Variants in RBM33 observed in about 807,000 individuals in gnomAD.
RBM33 encodes RNA-binding protein 33.
Under a neutral mutation model 132.6 loss-of-function variants are expected in RBM33, and 28 were observed. That is an observed-to-expected ratio of 0.21 (90% CI 0.16 to 0.29). The LOEUF is 0.29. Ranked by LOEUF, RBM33 falls within the 10% of genes least tolerant of loss-of-function variation. The pLI is 1.00. For missense variants in RBM33, 1,291 were observed against 1,518.5 expected (o/e 0.85, Z 2.49); for synonymous variants, 634 against 593.0 (o/e 1.07, Z -1.01).
intron 13 of RBM33, 123 bp downstream of exon 13, chr7:155,742,229 C>CTT (rs35396377): frequency 0.13 from 85,702 of 683,460 alleles, 3,756 homozygotes; most frequent in African/African-American, 0.24. Context: ...TCACCTGGGT[C>CTT]TTTTTTTTTT....
At chr7:155,695,801 A>C (rs1253498856) in intron 5 of RBM33, among the ~76,000 whole-genome samples, 2 of 152,066 alleles carry the variant, frequency 1.3e-5, no homozygotes, top group East Asian at 3.9e-4. Flanking sequence ...AGAAAATTTT[A>C]ATTTTGTTGA....
chr7:155,724,881 C>T lies in RBM33; in HGVS notation c.1260+6438C>T. Among the ~76,000 whole-genome samples the T allele has an allele frequency of 1.3e-5, 2 of 152,066 alleles. 1 individual carries two copies. The highest frequency in any genetic ancestry group is 2.9e-5 in the Non-Finnish European group (2 of 68,036). ...TCTTTTCTATTGCTCAGTAGTATTC[C>T]AGTATATGGATATAGCAGTTTGTGT... is the stretch of plus-strand genomic sequence containing the variant. On this transcript the variant is annotated intron_variant, in intron 9 of 17. Coordinates refer to ENST00000401878, the MANE Select transcript of RBM33 (RefSeq NM_053043.3).
intron 16 of RBM33, among the ~76,000 whole-genome samples, chr7:155,768,316 T>C (rs4716908): frequency 0.3 from 45,003 of 152,166 alleles, 8,206 homozygotes; most frequent in African/African-American, 0.51. Context: ...AACCAGCTAA[T>C]TTCTGTCTTG....
At chr7:155,743,173 A>G (rs187175068) in intron 13 of RBM33, among the ~76,000 whole-genome samples, 3 of 152,374 alleles carry the variant, frequency 2.0e-5, no homozygotes, top group Admixed American at 1.3e-4. Context: ...TTAGAACACG[A>G]GTGACTTTTG....
chr7:155,690,190 C>G (rs1407424581), intron 5 of RBM33, among the ~76,000 whole-genome samples: 2 of 152,168 alleles, frequency 1.3e-5, no homozygotes, highest in Non-Finnish European at 2.9e-5. Flanking sequence ...ATAGTTAGCT[C>G]TTCTTGTTGA....
intron 5 of RBM33, among the ~76,000 whole-genome samples, chr7:155,700,545 CCTTTTTTT>C (rs1799927536): frequency 2.4e-5 from 2 of 82,804 alleles, no homozygotes; most frequent in East Asian, 3.9e-4. Flanking sequence ...AAGAATTTGA[CCTTTTTTT>C]TTTTTTTTTT....
chr7:155,700,808 CAAA>C lies in RBM33; in HGVS notation c.604_606del (p.Lys202del). On this transcript the variant is annotated inframe_deletion, in exon 6 of 18. Transcript: ENST00000401878. The stretch of plus-strand genomic sequence containing the variant: ...AAACATTGGAACTTCAAAAGGACAT[CAAA>C]GAAGAATCAGATGAAGAAGAAGAAG... The C allele has an allele frequency of 1.3e-6, 2 of 1,582,988 alleles. No individual in the cohort carries two copies. The highest frequency in any genetic ancestry group is 1.7e-6 in the Non-Finnish European group (2 of 1,163,734).
intron 13 of RBM33, among the ~76,000 whole-genome samples, 180 bp from the exon 14 acceptor site, chr7:155,744,780 GT>G (rs67693680): frequency 0.025 from 3,775 of 152,054 alleles, 145 homozygotes; most frequent in African/African-American, 0.085. Context: ...TAGCTGTGTG[GT>G]TTTTTTCCCC....
intron 5 of RBM33, among the ~76,000 whole-genome samples, chr7:155,698,988 A>G (rs1056135598): frequency 2.0e-5 from 3 of 152,230 alleles, no homozygotes; most frequent in African/African-American, 7.2e-5. Context: ...AACATAAGGT[A>G]TCATTTCTCT....
At chr7:155,645,031 CTCTT>C (rs956766737) in intron 1 of RBM33, 112 bp downstream of exon 1, 4 of 764,486 alleles carry the variant, frequency 5.2e-6, no homozygotes, top group Non-Finnish European at 7.8e-6. Context: ...GGCTCCGACT[CTCTT>C]TGTGTTCGGC....
rs1801356713 is a variant in RBM33, at chr7:155,741,996, C to T, written c.2227C>T (p.Pro743Ser). The change falls in exon 13 of 18, where the codon CCC becomes TCC. Residue 743 changes from proline (P) to serine (S), a missense_variant. By Grantham distance (74) the Pro-to-Ser change is moderately conservative (BLOSUM62 -1). Coordinates refer to ENST00000401878, the MANE Select transcript of RBM33 (RefSeq NM_053043.3). ...QVKPIVSASP[P>S]SRAVAGSRSS... Reference sequence around the variant, plus strand: ...GAAACCTATCGTCAGCGCGTCACCACCCTCGCGGGCCGTGGCGGGTTCCAG... The same window carrying T: ...GAAACCTATCGTCAGCGCGTCACCATCCTCGCGGGCCGTGGCGGGTTCCAG... 3.7e-6 allele frequency: 6 copies of T among 1,613,922 alleles called. No homozygotes were observed. In the South Asian group the frequency reaches 6.6e-5, roughly 18 times the overall value.
At chr7:155,681,124 A>G (rs143736639) in intron 5 of RBM33, among the ~76,000 whole-genome samples, 28 of 152,374 alleles carry the variant, frequency 1.8e-4, no homozygotes, top group Non-Finnish European at 3.2e-4. Flanking sequence ...GGAAGGCTGC[A>G]AAGAATCGTG....
At chr7:155,705,964 C>A (rs1800099711) in intron 6 of RBM33, among the ~76,000 whole-genome samples, 1 of 152,146 alleles carries the variant, frequency 6.6e-6, no homozygotes, top group Non-Finnish European at 1.5e-5. Flanking sequence ...AAAATAAATA[C>A]AAAAAATTGA....
rs747869404 is a variant in RBM33, at chr7:155,763,807, A to T, written c.2980-5A>T. 19 of 1,606,898 alleles carry T rather than the reference A, an allele frequency of 1.2e-5. No individual in the cohort carries two copies. In the Admixed American group the frequency reaches 3.2e-4, roughly 27 times the overall value. On this transcript the variant is annotated splice_region_variant and splice_polypyrimidine_tract_variant and intron_variant, in intron 14 of 17. Coordinates refer to ENST00000401878, the MANE Select transcript of RBM33 (RefSeq NM_053043.3). ...AACAACGTGCTGCCTTCTTGGTTTCAGCAGGGAGGAGAGAGCGATGGCTTT... is the reference window on the plus strand; with the variant it reads ...AACAACGTGCTGCCTTCTTGGTTTCTGCAGGGAGGAGAGAGCGATGGCTTT...
At chr7:155,649,031 A>G (rs1446304412) in intron 1 of RBM33, among the ~76,000 whole-genome samples, 1 of 152,124 alleles carries the variant, frequency 6.6e-6, no homozygotes, top group Non-Finnish European at 1.5e-5. Flanking sequence ...TTGAATATGT[A>G]GGTTCATGTC....
At chr7:155,727,833 G>A (rs569930197) in intron 9 of RBM33, among the ~76,000 whole-genome samples, 5 of 152,306 alleles carry the variant, frequency 3.3e-5, no homozygotes, top group Admixed American at 1.3e-4. Context: ...TGGTGTGATC[G>A]CAGCTCGCTG....
In RBM33 at chr7:155,780,004, C is replaced by A. The variant is rs933046600; in HGVS notation, c.*4963C>A. The A allele has an allele frequency of 1.3e-5, 2 of 152,106 alleles. No individual in the cohort carries two copies. The highest frequency in any genetic ancestry group is 2.9e-5 in the Non-Finnish European group (2 of 68,030). 9.4% of individuals were successfully genotyped at this position (152,106 alleles called of 1,614,324 possible). A position where few individuals can be genotyped will look rare whatever the true frequency, so the allele number is the denominator to read the frequency against. ...ATGTAGTTTTTTATTTTAATATGTTCCATAGAGTGGATAGGCAGACAGGTA... is the reference window on the plus strand; with the variant it reads ...ATGTAGTTTTTTATTTTAATATGTTACATAGAGTGGATAGGCAGACAGGTA... On this transcript the variant is annotated 3_prime_UTR_variant, in exon 18 of 18. Transcript: ENST00000401878.
chr7:155,767,019 C>T (rs1480692047), intron 16 of RBM33: 10 of 232,028 alleles, frequency 4.3e-5, no homozygotes, highest in Non-Finnish European at 8.3e-5. Flanking sequence ...AAGTATTTAG[C>T]CTTCTTTTCC....
intron 13 of RBM33, 32 bp downstream of exon 13, chr7:155,742,138 T>C: frequency 1.3e-6 from 2 of 1,567,888 alleles, no homozygotes; most frequent in South Asian, 1.2e-5. Context: ...CAAATGTTGG[T>C]CTCAAACAAG....
Sources: gnomAD v4.1 joint callset for allele counts (sites outside exome capture counted in the v4.1 genomes callset) on GRCh38, gnomAD v4.1.1 for gene constraint, MANE v1.5 for transcripts, NCBI Gene and HGNC (gene_info 2026-07-23, HGNC 2026-07-21) for gene names.